Variants in C2 observed in about 807,000 individuals in gnomAD.
C2 encodes the protein complement C2, also known as C3/C5 convertase.
A neutral mutation model predicts 85.2 loss-of-function variants in C2; 64 were observed. The observed-to-expected ratio is 0.75, with a 90% confidence interval of 0.61 to 0.92. C2 has a LOEUF of 0.92. Among genes scored for constraint, C2 ranks in the 40% least tolerant of loss-of-function variants. The pLI, the probability that C2 is intolerant of heterozygous loss-of-function variation, is 0.00. For synonymous variants in C2, 311 were observed against 370.8 expected (o/e 0.84, Z 1.85); for missense variants, 820 against 971.6 (o/e 0.84, Z 2.07).
At chr6:31,901,488 G>A (rs764018260) in intron 1 of C2, among the ~76,000 whole-genome samples, 9 of 151,904 alleles carry the variant, frequency 5.9e-5, no homozygotes, top group Non-Finnish European at 1.3e-4. Context: ...CTGTCCCTCT[G>A]AGAGGAGGGA....
At chr6:31,942,840 G>T (rs1243194352) in intron 9 of C2, 119 bp from the exon 10 acceptor site, 30 of 1,251,762 alleles carry the variant, frequency 2.4e-5, no homozygotes, top group Admixed American at 1.1e-4. Context: ...TGGGGAGGAC[G>T]CAGGGGTCCA....
upstream of C2, among the ~76,000 whole-genome samples, chr6:31,926,729 GGTTCAATCA>G (rs1370462382): frequency 6.6e-6 from 1 of 151,996 alleles, no homozygotes; most frequent in Non-Finnish European, 1.5e-5. Flanking sequence ...CCATCTTCTA[GGTTCAATCA>G]GTTCTCTAAG....
chr6:31,922,373 G>A lies in C2; in HGVS notation c.-100+2347G>A, dbSNP rs1256257290. 6.6e-6 allele frequency among the ~76,000 whole-genome samples: 1 copy of A among 152,132 alleles called. No homozygotes were observed. The highest frequency in any genetic ancestry group is 1.5e-5 in the Non-Finnish European group (1 of 68,014). ...GGGTGGCAGATCCTAGGATGACCGC[G>A]AAGTCCATGCCCAAGTGGCCAGACT... On this transcript the variant is annotated intron_variant, in intron 1 of 3. Coordinates refer to the C2 transcript ENST00000413154. This position sits in a 1 kb window ranked among gnomAD's most constrained non-coding sequence, Gnocchi z 4.8.
At position 31,943,277 on chromosome 6, in the gene C2, C is replaced by T. The variant is rs138221333; in HGVS notation, c.1413C>T (p.Asn471=). The stretch of plus-strand genomic sequence containing the variant: ...GCGGGGTGGGGAACATGTCAGCAAA[C>T]GCCTCTGACCAGGAGAGGACACCCT... ...TICGVGNMSA[N]ASDQERTPWH... The change falls in exon 11 of 18, where the codon AAC becomes AAT. Residue 471 remains asparagine, a synonymous_variant. Transcript: ENST00000299367. The surrounding 1 kb of genome is among the most constrained non-coding windows in gnomAD (Gnocchi z 6.4). The T allele has an allele frequency of 1.4e-4, 218 of 1,613,032 alleles. No homozygotes were observed. Among genetic ancestry groups the T allele is most frequent in the African/African-American group, 1.2e-3 (89 of 75,018 alleles).
chr6:31,900,746 T>C, upstream of C2: 1 of 1,588,622 alleles, frequency 6.3e-7, no homozygotes, highest in Non-Finnish European at 8.6e-7. This position sits in a 1 kb window ranked among gnomAD's most constrained non-coding sequence, Gnocchi z 9.7. Flanking sequence ...CAAGTCTTCA[T>C]CCAGTGGGAA....
Position 31,945,193 on chromosome 6 carries a change from TG to T in C2, c.2099del (p.Gly700ValfsTer40). 1 of 1,612,926 alleles carries T rather than the reference TG, an allele frequency of 6.2e-7. No individual in the cohort carries two copies. On this transcript the variant is annotated frameshift_variant, in exon 18 of 18. Coordinates refer to ENST00000299367, the MANE Select transcript of C2 (RefSeq NM_000063.6). LOFTEE classifies it low-confidence loss of function (END_TRUNC). The surrounding 1 kb of genome is among the most constrained non-coding windows in gnomAD (Gnocchi z 5.3). ...TTTTCTCCAGGTGGGTCTGGTGAGC[TG>T]GGGTCTTTACAACCCCTGCCTTGGC... The part of the protein sequence containing the change: ...FRFFQVGLVS[W>X]GLYNPCLGSA...
chr6:31,937,601 A>G, intron 8 of C2, 142 bp downstream of exon 8: 3 of 970,552 alleles, frequency 3.1e-6, no homozygotes, highest in Non-Finnish European at 3.2e-6. Context: ...GGGCCTTGCT[A>G]TGTTGCCCAG....
At position 31,901,255 on chromosome 6, in the gene C2, G is replaced by A. The variant is rs749284263; in HGVS notation, c.73+116G>A. ...GCTGGTTCATGTTCCGTAGCGTTGC[G>A]GCCTCGTGGCCGGGCAGCTGGAAGC... On this transcript the variant is annotated intron_variant, in intron 1 of 3. Coordinates refer to the C2 transcript ENST00000452202. 4 of 1,612,746 alleles carry A rather than the reference G, an allele frequency of 2.5e-6. No individual in the cohort carries two copies. The East Asian group carries it at 8.9e-5, about 36-fold the overall frequency.
Position 31,944,849 on chromosome 6 carries a change from C to A in C2, c.2025C>A (p.Cys675Ter). Residue 675 changes from cysteine to a stop codon, truncating the protein, a stop_gained, in exon 16 of 18, where the codon TGC becomes TGA. Coordinates refer to ENST00000299367, the MANE Select transcript of C2 (RefSeq NM_000063.6). LOFTEE classifies it high-confidence loss of function. The surrounding 1 kb of genome is among the most constrained non-coding windows in gnomAD (Gnocchi z 5.1). ...GGACCCAGGAGGATGAGAGTCCCTG[C>A]AAGGGTGAGTCCCTCACCATGCCTG... ...CSGTQEDESPCKGESGGAVFL... is the reference protein window; with the variant it reads ...CSGTQEDESP 6.2e-7 allele frequency: 1 copy of A among 1,613,046 alleles called. No homozygotes were observed. Among genetic ancestry groups the A allele is most frequent in the Non-Finnish European group, 8.5e-7 (1 of 1,180,018 alleles).
upstream of C2, chr6:31,897,875 T>G: frequency 9.5e-7 from 1 of 1,056,696 alleles, no homozygotes. Context: ...TGGCCTCAGT[T>G]CTGCAGGGAC....
chr6:31,943,451 C>T lies in C2; in HGVS notation c.1491C>T (p.Ile497=). The T allele has an allele frequency of 1.2e-6, 2 of 1,613,108 alleles. No individual in the cohort carries two copies. The highest frequency in any genetic ancestry group is 1.7e-6 in the Non-Finnish European group (2 of 1,180,044). Residue 497 remains isoleucine (I), a synonymous_variant, in exon 12 of 18, where the codon ATC becomes ATT. Transcript: ENST00000299367. This position sits in a 1 kb window ranked among gnomAD's most constrained non-coding sequence, Gnocchi z 6.4. The part of the protein sequence containing the change: ...KSQETCRGAL[I]SDQWVLTAAH... ...AAGAGACCTGCCGGGGGGCCCTCAT[C>T]TCCGACCAATGGGTCCTGACAGCAG...
upstream of C2, among the ~76,000 whole-genome samples, chr6:31,926,172 C>G (rs1769246271): frequency 1.3e-5 from 2 of 152,128 alleles, no homozygotes; most frequent in Non-Finnish European, 1.5e-5. Context: ...ACTGTGTGTT[C>G]CCCTAACCAT....
Position 31,928,092 on chromosome 6 carries a change from C to T in C2, c.184C>T (p.Arg62Trp), listed in dbSNP as rs146464977. 22 of 1,614,100 alleles carry T rather than the reference C, an allele frequency of 1.4e-5. No individual in the cohort carries two copies. The highest frequency in any genetic ancestry group is 4.4e-5 in the South Asian group (4 of 91,072). Residue 62 changes from arginine to tryptophan, a missense_variant, in exon 2 of 18, where the codon CGG becomes TGG. Arg to Trp is a moderately radical substitution (Grantham distance 101, BLOSUM62 -3). Coordinates refer to ENST00000299367, the MANE Select transcript of C2 (RefSeq NM_000063.6). ...PQGLYPSPAS[R>W]LCKSSGQWQT... The stretch of plus-strand genomic sequence containing the variant: ...GGGCCTGTACCCATCCCCAGCATCA[C>T]GGCTGTGCAAGAGCAGCGGACAGTG...
upstream of C2, chr6:31,900,046 G>A: frequency 5.0e-6 from 8 of 1,612,746 alleles, no homozygotes; most frequent in Non-Finnish European, 6.8e-6. This position sits in a 1 kb window ranked among gnomAD's most constrained non-coding sequence, Gnocchi z 9.7. Context: ...AGCGCACGTC[G>A]CAGTAGGAGC....
chr6:31,907,893 C>T (rs1767827090), intron 1 of C2, among the ~76,000 whole-genome samples: 1 of 130,520 alleles, frequency 7.7e-6, no homozygotes, highest in Non-Finnish European at 1.5e-5. Flanking sequence ...GTTGCCCAGG[C>T]TGGAGTGCAA....
intron 9 of C2, among the ~76,000 whole-genome samples, chr6:31,942,363 CAG>C (rs1439686591): frequency 6.6e-6 from 1 of 150,600 alleles, no homozygotes; most frequent in Non-Finnish European, 1.5e-5. Context: ...AATAAAGTCA[CAG>C]ATACTGGGGA....
upstream of C2, chr6:31,900,520 C>T: frequency 2.5e-6 from 4 of 1,611,666 alleles, no homozygotes; most frequent in Non-Finnish European, 3.4e-6. This position sits in a 1 kb window ranked among gnomAD's most constrained non-coding sequence, Gnocchi z 9.7. Context: ...AGGCCTTCAC[C>T]ACACCCTGCG....
At chr6:31,899,080 GTTTTTT>G (rs200227065), upstream of C2, among the ~76,000 whole-genome samples, 11 of 150,870 alleles carry the variant, frequency 7.3e-5, no homozygotes, top group Non-Finnish European at 1.6e-4. Flanking sequence ...AAAAAAAAAA[GTTTTTT>G]TTTGTTTTTT....
chr6:31,934,481 A>G, intron 6 of C2, 182 bp downstream of exon 6: 1 of 1,216,184 alleles, frequency 8.2e-7, no homozygotes. Flanking sequence ...TTATTCCACA[A>G]GCACTGTTGG....
Sources: allele counts gnomAD v4.1 joint callset (sites outside exome capture counted in the v4.1 genomes callset), GRCh38; gene constraint gnomAD v4.1.1; non-coding constraint Gnocchi (gnomAD v3.1); transcripts MANE v1.5; gene names NCBI Gene and HGNC (gene_info 2026-07-23, HGNC 2026-07-21).